LPCAT1: variants seen among roughly 807,000 people sequenced by gnomAD.
The protein encoded by LPCAT1 is 1-acylglycerol-3-phosphate O-acyltransferase.
A neutral mutation model predicts 60.9 loss-of-function variants in LPCAT1; 23 were observed. That is an observed-to-expected ratio of 0.38 (90% CI 0.27 to 0.53). The LOEUF (loss-of-function observed/expected upper bound fraction) is 0.53. Among genes scored for constraint, LPCAT1 ranks in the 20% least tolerant of loss-of-function variants. The probability of loss-of-function intolerance (pLI) is 0.82; values close to 1 mark genes in which losing one functional copy is unlikely to be tolerated. For synonymous variants in LPCAT1, 340 were observed against 301.1 expected (o/e 1.13, Z -1.34); for missense variants, 622 against 723.6 (o/e 0.86, Z 1.61).
Position 1,481,010 on chromosome 5 carries a change from G to T in LPCAT1, c.727-34C>A, listed in dbSNP as rs769227457. ...GAAGAGGCAGGGTCAGTCAGCATGGGGCCTGCACCCAGGGCCTGCACCAAG... is the reference window on the plus strand; with the variant it reads ...GAAGAGGCAGGGTCAGTCAGCATGGTGCCTGCACCCAGGGCCTGCACCAAG... On this transcript the variant is annotated intron_variant, in intron 6 of 13. Transcript: ENST00000283415. This position sits in a 1 kb window ranked among gnomAD's most constrained non-coding sequence, Gnocchi z 7.8. The T allele has an allele frequency of 6.2e-7, 1 of 1,612,458 alleles. No homozygotes were observed. Among genetic ancestry groups the T allele is most frequent in the African/African-American group, 1.3e-5 (1 of 74,856 alleles).
At chr5:1,486,399 G>A (rs914057650) in intron 5 of LPCAT1, among the ~76,000 whole-genome samples, 3 of 152,186 alleles carry the variant, frequency 2.0e-5, no homozygotes, top group Non-Finnish European at 2.9e-5. Flanking sequence ...GAGGCTCCAG[G>A]AGCCTGAGGC....
At chr5:1,479,429 A>G (rs1579771126) in intron 8 of LPCAT1, 192 bp downstream of exon 8, 1 of 603,860 alleles carries the variant, frequency 1.7e-6, no homozygotes, top group Non-Finnish European at 3.0e-6. Context: ...GTTCAGACTC[A>G]TAAGAGAGAC....
chr5:1,473,180 GT>G (rs1481190313), intron 11 of LPCAT1, among the ~76,000 whole-genome samples: 1 of 152,176 alleles, frequency 6.6e-6, no homozygotes, highest in Non-Finnish European at 1.5e-5. Context: ...CTCCGTGTTG[GT>G]GCAAAACATA....
chr5:1,471,011 T>A, intron 11 of LPCAT1, 87 bp from the exon 12 acceptor site: 1 of 1,020,120 alleles, frequency 9.8e-7, no homozygotes, highest in Non-Finnish European at 1.5e-6. Flanking sequence ...TGGTGTTAAT[T>A]AAAGGCCAGT....
Position 1,481,286 on chromosome 5 carries a change from A to G in LPCAT1, c.727-310T>C, listed in dbSNP as rs898604536. 6.6e-6 allele frequency among the ~76,000 whole-genome samples: 1 copy of G among 152,094 alleles called. No homozygotes were observed. The highest frequency in any genetic ancestry group is 2.4e-5 in the African/African-American group (1 of 41,392). On this transcript the variant is annotated intron_variant, in intron 6 of 13. Coordinates refer to ENST00000283415, the MANE Select transcript of LPCAT1 (RefSeq NM_024830.5). The surrounding 1 kb of genome is among the most constrained non-coding windows in gnomAD (Gnocchi z 7.8). Reference sequence around the variant, plus strand: ...AGAGCCCCCTCTTATAGGTTCCCAGAGCCCCTAGAACCTGGGAAAAGGGTC... The same window carrying G: ...AGAGCCCCCTCTTATAGGTTCCCAGGGCCCCTAGAACCTGGGAAAAGGGTC...
intron 1 of LPCAT1, among the ~76,000 whole-genome samples, chr5:1,520,860 C>CAAAAAAAAAAAAAAAAAAAAAA (rs59074953): frequency 4.9e-5 from 4 of 82,040 alleles, no homozygotes; most frequent in African/African-American, 9.8e-5. Flanking sequence ...GAGACTGTCT[C>CAAAAAAAAAAAAAAAAAAAAAA]AAAAAAAAAA....
chr5:1,505,610 C>T (rs1220609594), intron 1 of LPCAT1, among the ~76,000 whole-genome samples: 2 of 152,258 alleles, frequency 1.3e-5, no homozygotes, highest in Non-Finnish European at 2.9e-5. Context: ...GTTCGCTGGG[C>T]CAGCCAGTGG....
intron 1 of LPCAT1, among the ~76,000 whole-genome samples, chr5:1,516,065 C>T (rs1216733730): frequency 6.6e-6 from 1 of 152,242 alleles, no homozygotes. Flanking sequence ...TGACGTGCAG[C>T]TGTGGACACA....
intron 5 of LPCAT1, among the ~76,000 whole-genome samples, chr5:1,485,024 G>A (rs779233794): frequency 5.9e-5 from 9 of 152,202 alleles, no homozygotes; most frequent in African/African-American, 9.6e-5. Flanking sequence ...CCTGAGACAC[G>A]CAGTGTGGAG....
chr5:1,501,592 C>T lies in LPCAT1; in HGVS notation c.147G>A (p.Met49Ile). ...GCCGGACCGGGAAGAGCGTCAGTGT[C>T]ATGAGGGCCACCTGCAGACAGAGGG... ...SALQKAQVALMTLTLFPVRLL... is the reference protein window; with the variant it reads ...SALQKAQVALITLTLFPVRLL... The change falls in exon 2 of 14, where the codon ATG (methionine) becomes ATA (isoleucine). Residue 49 changes from methionine to isoleucine, a missense_variant. By Grantham distance (10) the Met-to-Ile change is conservative. Coordinates refer to ENST00000283415, the MANE Select transcript of LPCAT1 (RefSeq NM_024830.5). 1 of 1,613,780 alleles carries T rather than the reference C, an allele frequency of 6.2e-7. No individual in the cohort carries two copies. Among genetic ancestry groups the T allele is most frequent in the East Asian group, 2.2e-5 (1 of 44,856 alleles).
At chr5:1,475,433 G>A (rs1468346482) in intron 9 of LPCAT1, among the ~76,000 whole-genome samples, 1 of 152,164 alleles carries the variant, frequency 6.6e-6, no homozygotes, top group East Asian at 1.9e-4. Context: ...GCCACACCTG[G>A]GGCCATCCCC....
chr5:1,492,369 T>C (rs1183075050), intron 3 of LPCAT1, among the ~76,000 whole-genome samples: 1 of 150,772 alleles, frequency 6.6e-6, no homozygotes, highest in African/African-American at 2.5e-5. Context: ...GGGGAGATGG[T>C]TTTGAGCTGG....
At chr5:1,517,484 G>A (rs1328184494) in intron 1 of LPCAT1, among the ~76,000 whole-genome samples, 1 of 152,156 alleles carries the variant, frequency 6.6e-6, no homozygotes, top group Admixed American at 6.5e-5. Context: ...CACGTTCTCC[G>A]CTGCCTGGGC....
chr5:1,486,005 G>A (rs930284552), intron 5 of LPCAT1, among the ~76,000 whole-genome samples: 2 of 152,242 alleles, frequency 1.3e-5, no homozygotes, highest in African/African-American at 4.8e-5. Flanking sequence ...TGCTCTGAGA[G>A]CTTGGAGCTG....
At position 1,510,257 on chromosome 5, in the gene LPCAT1, T is replaced by A. The variant is rs143609955; in HGVS notation, c.136-8654A>T. On this transcript the variant is annotated intron_variant, in intron 1 of 13. Transcript: ENST00000283415. The stretch of plus-strand genomic sequence containing the variant: ...CCGTGCTTACTGCTATCTATAAAGC[T>A]GTTTCTTCTTCGCTCTCCCACTCAA... Among the ~76,000 whole-genome samples the A allele has an allele frequency of 1.5e-4, 23 of 152,286 alleles. No individual in the cohort carries two copies. The East Asian group carries it at 4.1e-3, about 27-fold the overall frequency.
At chr5:1,499,111 G>C (rs1735914065) in intron 2 of LPCAT1, among the ~76,000 whole-genome samples, 1 of 152,242 alleles carries the variant, frequency 6.6e-6, no homozygotes, top group Non-Finnish European at 1.5e-5. Context: ...ACAGCTGCTA[G>C]AATAAGAGTC....
intron 1 of LPCAT1, among the ~76,000 whole-genome samples, chr5:1,510,151 C>A (rs1390066119): frequency 6.6e-6 from 1 of 152,188 alleles, no homozygotes; most frequent in Non-Finnish European, 1.5e-5. Flanking sequence ...AGTGAGGTCA[C>A]ACTCTGGAGC....
intron 12 of LPCAT1, among the ~76,000 whole-genome samples, chr5:1,467,911 C>A (rs1033393112): frequency 6.6e-6 from 1 of 152,110 alleles, no homozygotes; most frequent in African/African-American, 2.4e-5. Context: ...CCTGGGGCTC[C>A]GACGGGGCCG....
chr5:1,479,254 G>T (rs1475818473), intron 8 of LPCAT1, among the ~76,000 whole-genome samples: 1 of 152,220 alleles, frequency 6.6e-6, no homozygotes, highest in Non-Finnish European at 1.5e-5. Context: ...GGCATGGCGT[G>T]TGCCTGTGGT....
Sources: allele counts gnomAD v4.1 joint callset (sites outside exome capture counted in the v4.1 genomes callset), GRCh38; gene constraint gnomAD v4.1.1; non-coding constraint Gnocchi (gnomAD v3.1); transcripts MANE v1.5; gene names NCBI Gene and HGNC (gene_info 2026-07-23, HGNC 2026-07-21).